The following DLGAP1 variants were observed in gnomAD, a reference collection of about 807,000 sequenced individuals.
The protein encoded by DLGAP1 is DLG associated protein 1.
A neutral mutation model predicts 90.8 loss-of-function variants in DLGAP1; 11 were observed. That is an observed-to-expected ratio of 0.12 (90% confidence interval 0.08 to 0.20). DLGAP1 has a LOEUF of 0.20. Among genes scored for constraint, DLGAP1 ranks in the 10% least tolerant of loss-of-function variants. The pLI is 1.00. For missense variants in DLGAP1, 1,050 were observed against 1,333.8 expected (o/e 0.79, Z 3.31); for synonymous variants, 558 against 540.7 (o/e 1.03, Z -0.44).
At chr18:4,267,104 C>A (rs2079147411) in intron 1 of DLGAP1, among the ~76,000 whole-genome samples, 1 of 152,136 alleles carries the variant, frequency 6.6e-6, no homozygotes, top group Non-Finnish European at 1.5e-5. Context: ...TGGTTTGGGA[C>A]ATTTTATGAC....
In DLGAP1 at chr18:3,499,560, T is replaced by TA. The variant is rs2049820242; in HGVS notation, c.2725-167_2725-166insT. Among the ~76,000 whole-genome samples the TA allele has an allele frequency of 6.7e-6, 1 of 148,778 alleles. No individual in the cohort carries two copies. The highest frequency in any genetic ancestry group is 2.0e-4 in the East Asian group (1 of 5,088). On this transcript the variant is annotated intron_variant, in intron 12 of 12. Coordinates refer to ENST00000315677, the MANE Select transcript of DLGAP1 (RefSeq NM_004746.4). This position sits in a 1 kb window ranked among gnomAD's most constrained non-coding sequence, Gnocchi z 6.4. ...TTTCTTCATTATTCTGGCTTGGGCATTCAAAAGATGCAGAAAAAAAAAAAT... is the reference window on the plus strand; with the variant it reads ...TTTCTTCATTATTCTGGCTTGGGCATATCAAAAGATGCAGAAAAAAAAAAAT...
chr18:3,571,045 T>TTAGCC (rs1408434490), intron 8 of DLGAP1, among the ~76,000 whole-genome samples: 3 of 152,012 alleles, frequency 2.0e-5, no homozygotes, highest in Non-Finnish European at 2.9e-5. Flanking sequence ...GCTCGTCCTG[T>TTAGCC]TAGCCTCCAC....
chr18:3,763,304 G>GACT (rs2064058553), intron 5 of DLGAP1, among the ~76,000 whole-genome samples: 1 of 152,150 alleles, frequency 6.6e-6, no homozygotes, highest in African/African-American at 2.4e-5. Flanking sequence ...TTCATCCTAG[G>GACT]ACTCTTGGAC....
intron 3 of DLGAP1, among the ~76,000 whole-genome samples, chr18:4,003,272 T>C (rs1308418086): frequency 1.3e-5 from 2 of 152,112 alleles, no homozygotes; most frequent in African/African-American, 4.8e-5. Context: ...GAAGGTGCCA[T>C]GGAATTGGCC....
At chr18:3,630,185 T>G (rs1396276863) in intron 7 of DLGAP1, among the ~76,000 whole-genome samples, 1 of 152,214 alleles carries the variant, frequency 6.6e-6, no homozygotes, top group East Asian at 1.9e-4. Flanking sequence ...CCCAGTGTGG[T>G]TGGGCCTCAT....
intron 1 of DLGAP1, among the ~76,000 whole-genome samples, chr18:4,363,847 G>A (rs1169138572): frequency 7.0e-6 from 1 of 142,504 alleles, no homozygotes; most frequent in African/African-American, 2.4e-5. Flanking sequence ...AGTCACTGTG[G>A]CGATTCCTCA....
rs529486132 is a variant in DLGAP1 at position 3,650,844 on chromosome 18, G to A, written c.1592-68596C>T. ...AGCACTTTGGGAGGCCAAGGTGGGC[G>A]GATCATGAGGTCAGGAGTTGGAGAC... On this transcript the variant is annotated intron_variant, in intron 7 of 12. Coordinates refer to ENST00000315677, the MANE Select transcript of DLGAP1 (RefSeq NM_004746.4). Among the ~76,000 whole-genome samples the A allele has an allele frequency of 7.9e-5, 12 of 152,078 alleles. No individual in the cohort carries two copies. The South Asian group carries it at 1.0e-3, about 13-fold the overall frequency.
At chr18:3,985,567 G>T in intron 3 of DLGAP1, among the ~76,000 whole-genome samples, 1 of 148,094 alleles carries the variant, frequency 6.8e-6, no homozygotes, top group African/African-American at 2.5e-5. Flanking sequence ...CTCTATAAGT[G>T]TTCTCTGTTC....
chr18:4,239,097 T>C (rs779396806), intron 1 of DLGAP1, among the ~76,000 whole-genome samples: 1 of 152,188 alleles, frequency 6.6e-6, no homozygotes, highest in Non-Finnish European at 1.5e-5. Context: ...GAGAGTGCTG[T>C]TGGTATCACA....
intron 5 of DLGAP1, among the ~76,000 whole-genome samples, chr18:3,742,915 T>C (rs529599437): frequency 1.1e-4 from 17 of 151,910 alleles, no homozygotes; most frequent in Non-Finnish European, 2.1e-4. Context: ...TAAGTGGGTA[T>C]ATATCTATAT....
At chr18:4,357,157 C>CTT (rs554248097) in intron 1 of DLGAP1, among the ~76,000 whole-genome samples, 31,988 of 108,200 alleles carry the variant, frequency 0.3, 6,197 homozygotes, top group South Asian at 0.45. Flanking sequence ...TGTTTTTTTC[C>CTT]TTTTTTTTTT....
At chr18:4,145,680 CATCTGG>C (rs2076574455) in intron 2 of DLGAP1, among the ~76,000 whole-genome samples, 1 of 152,142 alleles carries the variant, frequency 6.6e-6, no homozygotes, top group Non-Finnish European at 1.5e-5. Flanking sequence ...TATAAAGCTG[CATCTGG>C]CAAATTGGCT....
At chr18:4,078,411 T>C (rs1289647879) in intron 2 of DLGAP1, among the ~76,000 whole-genome samples, 1 of 152,128 alleles carries the variant, frequency 6.6e-6, no homozygotes, top group African/African-American at 2.4e-5. Flanking sequence ...CAAATGACCA[T>C]AAAGCACACA....
At chr18:4,424,421 T>C (rs1171496243) in intron 1 of DLGAP1, among the ~76,000 whole-genome samples, 2 of 152,240 alleles carry the variant, frequency 1.3e-5, no homozygotes, top group Admixed American at 6.5e-5. Flanking sequence ...CCTCTATTTC[T>C]GATTTTTACA....
At chr18:3,786,232 C>T (rs991857426) in intron 5 of DLGAP1, among the ~76,000 whole-genome samples, 3 of 152,098 alleles carry the variant, frequency 2.0e-5, no homozygotes, top group Non-Finnish European at 4.4e-5. Flanking sequence ...GGGATTTAGA[C>T]ATCTTTGGGG....
intron 4 of DLGAP1, among the ~76,000 whole-genome samples, chr18:3,875,963 T>C (rs2070991112): frequency 6.6e-6 from 1 of 151,614 alleles, no homozygotes; most frequent in Admixed American, 6.6e-5. Context: ...TCTCTAATAT[T>C]GAAGTTAAAT....
chr18:3,732,229 T>G (rs2062460826), intron 6 of DLGAP1, among the ~76,000 whole-genome samples: 2 of 152,232 alleles, frequency 1.3e-5, no homozygotes, highest in African/African-American at 4.8e-5. Context: ...TTCAGAGATT[T>G]GATCAGCTTC....
At chr18:4,164,654 T>G (rs1438162810) in intron 1 of DLGAP1, among the ~76,000 whole-genome samples, 1 of 151,974 alleles carries the variant, frequency 6.6e-6, no homozygotes, top group African/African-American at 2.4e-5. Context: ...CTCCCCAGCC[T>G]GGGCAGCAGA....
intron 3 of DLGAP1, among the ~76,000 whole-genome samples, chr18:3,939,212 A>T (rs888690012): frequency 2.6e-5 from 4 of 152,118 alleles, no homozygotes; most frequent in Non-Finnish European, 4.4e-5. Context: ...TGAGGTCAGG[A>T]GTTCGAGACC....
Sources: allele counts gnomAD v4.1 joint callset (sites outside exome capture counted in the v4.1 genomes callset), GRCh38; gene constraint gnomAD v4.1.1; non-coding constraint Gnocchi (gnomAD v3.1); transcripts MANE v1.5; gene names NCBI Gene and HGNC (gene_info 2026-07-23, HGNC 2026-07-21).